Variants in GRID2 observed in about 807,000 individuals in gnomAD.
GRID2 encodes glutamate receptor ionotropic, delta-2.
GRID2 carries 33 observed loss-of-function variants against 114.8 expected under a neutral mutation model. That is an observed-to-expected ratio of 0.29 (90% CI 0.22 to 0.38). GRID2 has a LOEUF of 0.38. GRID2 is among the 10% of genes least tolerant of loss of function. GRID2 has a pLI of 1.00. For missense variants in GRID2, 1,184 were observed against 1,257.7 expected (o/e 0.94, Z 0.89); for synonymous variants, 505 against 449.9 (o/e 1.12, Z -1.55).
intron 10 of GRID2, among the ~76,000 whole-genome samples, chr4:93,443,138 T>A (rs1721774226): frequency 6.6e-6 from 1 of 152,058 alleles, no homozygotes; most frequent in Non-Finnish European, 1.5e-5. Context: ...TACTGCTCTT[T>A]TTCCTATTTC....
intron 2 of GRID2, among the ~76,000 whole-genome samples, chr4:92,892,058 T>TTTTTTG (rs1553943052): frequency 5.9e-5 from 9 of 152,108 alleles, no homozygotes; most frequent in African/African-American, 1.4e-4. Context: ...GCTGGTTTTT[T>TTTTTTG]TTTTTGTTTT....
chr4:93,095,598 A>G (rs1731147941), intron 3 of GRID2, among the ~76,000 whole-genome samples: 1 of 152,092 alleles, frequency 6.6e-6, no homozygotes, highest in African/African-American at 2.4e-5. Flanking sequence ...GTAAGCTTAT[A>G]GCCTATATTC....
chr4:92,765,512 A>AT (rs112820325), intron 2 of GRID2, among the ~76,000 whole-genome samples: 6,350 of 146,964 alleles, frequency 0.043, 138 homozygotes, highest in Non-Finnish European at 0.053. Context: ...GAGACAAGCT[A>AT]TTTTTTTTTT....
chr4:92,532,949 G>A (rs561536437), intron 1 of GRID2, among the ~76,000 whole-genome samples: 177 of 152,062 alleles, frequency 1.2e-3, no homozygotes, highest in African/African-American at 3.4e-3. Context: ...GTGTGGTGGC[G>A]TGCACCTGTA....
At chr4:92,633,271 C>T (rs1363311392) in intron 2 of GRID2, among the ~76,000 whole-genome samples, 2 of 152,042 alleles carry the variant, frequency 1.3e-5, no homozygotes, top group African/African-American at 2.4e-5. Context: ...ATAAGTATTT[C>T]CCCTATAATG....
chr4:93,383,114 G>T (rs1764014623), intron 8 of GRID2, among the ~76,000 whole-genome samples: 1 of 152,034 alleles, frequency 6.6e-6, no homozygotes, highest in South Asian at 2.1e-4. Context: ...AAGAGGAAAA[G>T]AGAAAAATGA....
intron 2 of GRID2, among the ~76,000 whole-genome samples, chr4:92,735,358 C>A (rs1229441138): frequency 1.5e-4 from 23 of 151,870 alleles, no homozygotes; most frequent in Admixed American, 1.5e-3. Context: ...TAAAAGATAA[C>A]CATACAACTA....
At chr4:93,794,555 CG>C (rs1561006113) in intron 1 of GRID2, among the ~76,000 whole-genome samples, 1 of 152,028 alleles carries the variant, frequency 6.6e-6, no homozygotes, top group African/African-American at 2.4e-5. Context: ...TATTTATGCC[CG>C]AGGATGGGGG....
At chr4:92,758,309 G>T (rs1294548727) in intron 2 of GRID2, among the ~76,000 whole-genome samples, 1 of 152,062 alleles carries the variant, frequency 6.6e-6, no homozygotes, top group Non-Finnish European at 1.5e-5. Flanking sequence ...GAATTAGTGA[G>T]ATGCAAAATT....
chr4:93,227,662 A>T (rs1199007951), intron 7 of GRID2, among the ~76,000 whole-genome samples: 1 of 152,186 alleles, frequency 6.6e-6, no homozygotes, highest in African/African-American at 2.4e-5. Flanking sequence ...GTACAGGTAA[A>T]AGTAGCCAGG....
chr4:92,855,467 C>T (rs1744108409), intron 2 of GRID2, among the ~76,000 whole-genome samples: 1 of 151,814 alleles, frequency 6.6e-6, no homozygotes, highest in Non-Finnish European at 1.5e-5. Context: ...ACCATGGTTT[C>T]CCATGTTCTT....
chr4:93,612,288 A>G (rs1377179993), intron 13 of GRID2, among the ~76,000 whole-genome samples: 4 of 150,794 alleles, frequency 2.7e-5, no homozygotes, highest in African/African-American at 7.3e-5. Flanking sequence ...GTGTCTTTTA[A>G]TTGGAGAATT....
intron 1 of GRID2, among the ~76,000 whole-genome samples, chr4:92,334,012 C>G (rs111348498): frequency 1.3e-4 from 20 of 152,274 alleles, no homozygotes; most frequent in African/African-American, 4.1e-4. Context: ...ATTATAGGCA[C>G]AAGCTACCTA....
intron 14 of GRID2, among the ~76,000 whole-genome samples, chr4:93,647,333 G>A (rs982726691): frequency 4.6e-5 from 7 of 152,114 alleles, no homozygotes; most frequent in African/African-American, 7.2e-5. Context: ...CTCACATAGC[G>A]ACATATTTAA....
intron 1 of GRID2, among the ~76,000 whole-genome samples, chr4:92,475,401 T>C (rs1472070148): frequency 6.6e-6 from 1 of 151,364 alleles, no homozygotes; most frequent in Admixed American, 6.6e-5. Flanking sequence ...GTTTCCAGCT[T>C]TCCTAGAATC....
At chr4:93,365,437 A>G (rs1170148810) in intron 8 of GRID2, among the ~76,000 whole-genome samples, 2 of 152,204 alleles carry the variant, frequency 1.3e-5, no homozygotes, top group African/African-American at 4.8e-5. Flanking sequence ...GGTTTTTGAC[A>G]GAGATTTACT....
At chr4:92,360,450 C>A (rs1340314631) in intron 1 of GRID2, among the ~76,000 whole-genome samples, 1 of 151,852 alleles carries the variant, frequency 6.6e-6, no homozygotes, top group Non-Finnish European at 1.5e-5. Flanking sequence ...AAAACCAAAC[C>A]ATTACTGAGT....
intron 8 of GRID2, among the ~76,000 whole-genome samples, chr4:93,252,080 A>G (rs1344047046): frequency 6.6e-6 from 1 of 152,052 alleles, no homozygotes; most frequent in African/African-American, 2.4e-5. Flanking sequence ...ATCTGATCCC[A>G]TTTGTCAATT....
chr4:92,381,707 A>G (rs546836226), intron 1 of GRID2, among the ~76,000 whole-genome samples: 2 of 152,118 alleles, frequency 1.3e-5, no homozygotes, highest in South Asian at 2.1e-4. Flanking sequence ...TTTAATTTCA[A>G]TGTGTTAAAT....
Sources: gnomAD v4.1 joint callset for allele counts (sites outside exome capture counted in the v4.1 genomes callset) on GRCh38, gnomAD v4.1.1 for gene constraint, MANE v1.5 for transcripts, NCBI Gene and HGNC (gene_info 2026-07-23, HGNC 2026-07-21) for gene names.